RBMS3: variants seen among roughly 807,000 people sequenced by gnomAD.
RBMS3 encodes the protein RNA binding motif single stranded interacting protein 3.
Under a neutral mutation model 66.8 loss-of-function variants are expected in RBMS3, and 27 were observed. The observed-to-expected ratio is 0.40, with a 90% CI of 0.30 to 0.56. RBMS3 has a LOEUF of 0.56. Ranked by LOEUF, RBMS3 falls within the 20% of genes least tolerant of loss-of-function variation. The probability of loss-of-function intolerance (pLI) is 0.40; values close to 1 mark genes in which losing one functional copy is unlikely to be tolerated. For synonymous variants in RBMS3, 188 were observed against 183.0 expected (o/e 1.03, Z -0.22); for missense variants, 513 against 549.5 (o/e 0.93, Z 0.66).
rs568758448 is a variant in RBMS3, at chr3:29,455,051, CCTAT to C, written c.248+20143_248+20146del. On this transcript the variant is annotated intron_variant, in intron 2 of 14. Transcript: ENST00000383767. ...AGCCTCTATTTACTCCATCTCCCTC[CCTAT>C]CTATCTGTTGAACACTCACTCATAC... Among the ~76,000 whole-genome samples, 282 of 152,238 alleles carry C rather than the reference CCTAT, an allele frequency of 1.9e-3. 1 individual carries two copies. The highest frequency in any genetic ancestry group is 5.4e-3 in the African/African-American group (226 of 41,552).
chr3:29,299,437 A>G (rs545287806), intron 1 of RBMS3, among the ~76,000 whole-genome samples: 20 of 152,044 alleles, frequency 1.3e-4, no homozygotes, highest in African/African-American at 3.1e-4. Flanking sequence ...AATGAAAACA[A>G]TGATAGATTT....
chr3:29,307,831 G>A (rs1254901223), intron 1 of RBMS3, among the ~76,000 whole-genome samples: 1 of 151,810 alleles, frequency 6.6e-6, no homozygotes, highest in Non-Finnish European at 1.5e-5. Context: ...AAGCGCTGTT[G>A]AACATAAATC....
At chr3:29,433,614 C>T (rs1336466365) in intron 1 of RBMS3, among the ~76,000 whole-genome samples, 1 of 152,112 alleles carries the variant, frequency 6.6e-6, no homozygotes, top group East Asian at 1.9e-4. Flanking sequence ...AATGCTGCTT[C>T]TCAGAGAGGT....
chr3:29,821,308 C>G (rs1310272991), intron 6 of RBMS3, among the ~76,000 whole-genome samples: 1 of 152,052 alleles, frequency 6.6e-6, no homozygotes, highest in Non-Finnish European at 1.5e-5. Context: ...GTATTTAGCT[C>G]TTTAATTCAT....
At chr3:29,791,521 C>A (rs2149427667) in intron 6 of RBMS3, among the ~76,000 whole-genome samples, 1 of 152,210 alleles carries the variant, frequency 6.6e-6, no homozygotes, top group African/African-American at 2.4e-5. Context: ...TTCTTTCCTT[C>A]TAGAAAATTC....
intron 1 of RBMS3, among the ~76,000 whole-genome samples, chr3:29,347,640 A>G (rs958699249): frequency 6.6e-6 from 1 of 152,118 alleles, no homozygotes; most frequent in African/African-American, 2.4e-5. Flanking sequence ...TATGACAAAG[A>G]TTTTACCCCT....
intron 2 of RBMS3, among the ~76,000 whole-genome samples, chr3:29,471,580 G>T (rs2042727134): frequency 6.6e-6 from 1 of 152,098 alleles, no homozygotes; most frequent in Non-Finnish European, 1.5e-5. Context: ...GAAAAATCGT[G>T]TAGCCTTGAA....
chr3:29,914,449 T>C (rs1034692432), intron 10 of RBMS3, among the ~76,000 whole-genome samples: 3 of 151,906 alleles, frequency 2.0e-5, no homozygotes, highest in African/African-American at 4.8e-5. Context: ...AGATGAGATT[T>C]CTAGCAATTC....
chr3:29,656,973 G>A (rs2050347872), intron 4 of RBMS3, among the ~76,000 whole-genome samples: 1 of 152,138 alleles, frequency 6.6e-6, no homozygotes, highest in East Asian at 1.9e-4. Context: ...TCATCCTCTG[G>A]GCCTCCCCAT....
At chr3:29,960,984 T>G (rs1696394329) in intron 12 of RBMS3, among the ~76,000 whole-genome samples, 1 of 152,188 alleles carries the variant, frequency 6.6e-6, no homozygotes, top group Non-Finnish European at 1.5e-5. Context: ...GATTAACAGT[T>G]GGCTCCTCAT....
chr3:29,897,375 G>C lies in RBMS3; in HGVS notation c.792-4G>C. On this transcript the variant is annotated splice_region_variant and splice_polypyrimidine_tract_variant and intron_variant, in intron 8 of 14. Coordinates refer to ENST00000383767, the MANE Select transcript of RBMS3 (RefSeq NM_001003793.3). ...GAATCTTCCTTTTTGTTTTCTGTTT[G>C]CAGATTTTATTCTTCACCGTACAGT... The C allele has an allele frequency of 6.2e-7, 1 of 1,609,838 alleles. No homozygotes were observed. The highest frequency in any genetic ancestry group is 8.5e-7 in the Non-Finnish European group (1 of 1,177,100).
intron 7 of RBMS3, among the ~76,000 whole-genome samples, chr3:29,881,766 A>C (rs2059742229): frequency 6.6e-6 from 1 of 152,190 alleles, no homozygotes; most frequent in Non-Finnish European, 1.5e-5. Context: ...ATGCAAGAAA[A>C]AATTCTTAAG....
intron 6 of RBMS3, among the ~76,000 whole-genome samples, chr3:29,818,290 G>A (rs900391083): frequency 2.6e-5 from 4 of 151,366 alleles, no homozygotes; most frequent in African/African-American, 7.3e-5. Context: ...CTTTCATTTA[G>A]TTACTATTTT....
Position 29,434,838 on chromosome 3 carries a change from G to C in RBMS3, c.171G>C (p.Gln57His), listed in dbSNP as rs934556650. The change falls in exon 2 of 15, where the codon CAG (glutamine) becomes CAC (histidine). Residue 57 changes from glutamine (Q) to histidine (H), a missense_variant. Coordinates refer to ENST00000383767, the MANE Select transcript of RBMS3 (RefSeq NM_001003793.3). ...GCAGCAACAACAGCAGCGGGGAACA[G>C]TTGAGTAAAACCAACCTGTACATTC... ...NNSSNNSSGE[Q>H]LSKTNLYIRG... 8.7e-6 allele frequency: 14 copies of C among 1,614,042 alleles called. No homozygotes were observed. In the Admixed American group the frequency reaches 1.5e-4, roughly 17 times the overall value.
At chr3:29,630,913 G>A (rs1469344200) in intron 4 of RBMS3, among the ~76,000 whole-genome samples, 1 of 151,878 alleles carries the variant, frequency 6.6e-6, no homozygotes, top group Non-Finnish European at 1.5e-5. Flanking sequence ...GCCAATGACT[G>A]GGAAGGGAGT....
At chr3:29,975,471 A>T (rs1697523820) in intron 12 of RBMS3, among the ~76,000 whole-genome samples, 1 of 151,862 alleles carries the variant, frequency 6.6e-6, no homozygotes, top group African/African-American at 2.4e-5. Context: ...AGGGTGTTAT[A>T]TCATAATATT....
intron 1 of RBMS3, among the ~76,000 whole-genome samples, chr3:29,405,668 C>G (rs1277470424): frequency 2.0e-5 from 3 of 152,108 alleles, no homozygotes; most frequent in Non-Finnish European, 4.4e-5. Flanking sequence ...CTCCCTCAGT[C>G]TGTAAATTTT....
In RBMS3 at chr3:29,936,108, T is replaced by C; in HGVS notation, c.962T>C (p.Met321Thr). ...TAGGGTGCTGTGATTACACCAACCA[T>C]GGACCATCCCATGTCAATGCAGCCA... ...QPTGAVITPT[M>T]DHPMSMQPAN... The change falls in exon 11 of 15, where the codon ATG (methionine) becomes ACG (threonine). Residue 321 changes from methionine (M) to threonine (T), a missense_variant. Met to Thr is a moderately conservative substitution (Grantham distance 81). Transcript: ENST00000383767. 6.2e-7 allele frequency: 1 copy of C among 1,613,286 alleles called. No individual in the cohort carries two copies. The highest frequency in any genetic ancestry group is 1.1e-5 in the South Asian group (1 of 90,998).
At chr3:29,791,248 T>A (rs1257308634) in intron 6 of RBMS3, among the ~76,000 whole-genome samples, 1 of 152,218 alleles carries the variant, frequency 6.6e-6, no homozygotes, top group Admixed American at 6.5e-5. Context: ...CATTTCCATT[T>A]CCTGCATTGA....
Sources: gnomAD v4.1 joint callset for allele counts (sites outside exome capture counted in the v4.1 genomes callset) on GRCh38, gnomAD v4.1.1 for gene constraint, MANE v1.5 for transcripts, NCBI Gene and HGNC (gene_info 2026-07-23, HGNC 2026-07-21) for gene names.